CDC42SE2: variants seen among roughly 807,000 people sequenced by gnomAD.
CDC42SE2 encodes CDC42 small effector protein 2.
In CDC42SE2, 3 loss-of-function variants were observed where a neutral mutation model predicts 11.5. The ratio of observed to expected loss-of-function variants is 0.26; its 90% CI spans 0.12 to 0.67. The LOEUF (loss-of-function observed/expected upper bound fraction) is 0.67, where lower values mean the gene tolerates loss of function less well. Among genes scored for constraint, CDC42SE2 ranks in the 30% least tolerant of loss-of-function variants. The pLI, the probability that CDC42SE2 is intolerant of heterozygous loss-of-function variation, is 0.80. For synonymous variants in CDC42SE2, 33 were observed against 34.8 expected (o/e 0.95, Z 0.18); for missense variants, 82 against 106.8 (o/e 0.77, Z 1.02).
the CDC42SE2 span, among the ~76,000 whole-genome samples, chr5:131,210,803 A>G: frequency 1.3e-5 from 2 of 152,142 alleles, no homozygotes; most frequent in Non-Finnish European, 2.9e-5. Flanking sequence ...GAAATTTCTC[A>G]TCCATTTTCA....
intron 1 of CDC42SE2, among the ~76,000 whole-genome samples, chr5:131,313,557 T>C (rs192773800): frequency 5.6e-4 from 85 of 152,302 alleles, no homozygotes; most frequent in Non-Finnish European, 1.0e-3. Context: ...TGTTCCAGCT[T>C]CATTTGTTGA....
At chr5:131,384,038 A>G (rs1470276610) in intron 3 of CDC42SE2, among the ~76,000 whole-genome samples, 2 of 152,246 alleles carry the variant, frequency 1.3e-5, no homozygotes, top group Non-Finnish European at 2.9e-5. Context: ...AGGAACTAAC[A>G]GAATAAAACT....
chr5:131,334,274 T>C (rs996472504), intron 2 of CDC42SE2, among the ~76,000 whole-genome samples: 8 of 152,242 alleles, frequency 5.3e-5, no homozygotes, highest in Non-Finnish European at 1.2e-4. Context: ...GTTTATTGAT[T>C]TGCATATGTT....
chr5:131,252,913 G>A (rs969471961), intron 1 of CDC42SE2: 1 of 152,154 alleles, frequency 6.6e-6, no homozygotes, highest in Non-Finnish European at 1.5e-5. Context: ...ACCCACACAG[G>A]TTAAGTCAAA....
intron 2 of CDC42SE2, among the ~76,000 whole-genome samples, chr5:131,323,783 T>G (rs188240848): frequency 1.3e-5 from 2 of 152,254 alleles, no homozygotes; most frequent in Admixed American, 6.5e-5. Context: ...TTGATCTGTT[T>G]GTTTACTTTT....
the CDC42SE2 span, among the ~76,000 whole-genome samples, chr5:131,223,385 G>T: frequency 6.6e-6 from 1 of 152,050 alleles, no homozygotes; most frequent in Non-Finnish European, 1.5e-5. Context: ...TGTCTGGGGG[G>T]GCACAGCTGC....
In CDC42SE2 at chr5:131,392,597, A is replaced by C. The variant is rs943632524; in HGVS notation, c.*1506A>C. On this transcript the variant is annotated 3_prime_UTR_variant, in exon 5 of 5. Transcript: ENST00000505065. ...GCATTCATTCTGTTGTAAATGTTCA[A>C]TATATTTATTTTGAGAGCAAGGACC... 2 of 152,286 alleles carry C rather than the reference A, an allele frequency of 1.3e-5. No homozygotes were observed. The highest frequency in any genetic ancestry group is 4.8e-5 in the African/African-American group (2 of 41,432). 9.4% of individuals were successfully genotyped at this position (152,286 alleles called of 1,614,324 possible). A position where few individuals can be genotyped will look rare whatever the true frequency, so the allele number is the denominator to read the frequency against.
At position 131,392,778 on chromosome 5, in the gene CDC42SE2, A is replaced by G. The variant is rs1376044140; in HGVS notation, c.*1687A>G. ...TTTATTTTTACTTCTTTTTAATGTT[A>G]TGGTATCCAGTTGTTTCCAGTAGCA... is the stretch of plus-strand genomic sequence containing the variant. On this transcript the variant is annotated 3_prime_UTR_variant, in exon 5 of 5. Coordinates refer to ENST00000505065, the MANE Select transcript of CDC42SE2 (RefSeq NM_001375635.1). The G allele has an allele frequency of 1.3e-5, 2 of 152,276 alleles. No individual in the cohort carries two copies. Among genetic ancestry groups the G allele is most frequent in the African/African-American group, 4.8e-5 (2 of 41,392 alleles). 9.4% of individuals were successfully genotyped at this position (152,276 alleles called of 1,614,324 possible).
At chr5:131,232,759 A>AC in the CDC42SE2 span, among the ~76,000 whole-genome samples, 6 of 150,316 alleles carry the variant, frequency 4.0e-5, no homozygotes, top group Admixed American at 2.0e-4. Flanking sequence ...AAAAAAACAA[A>AC]ACAGAAATAT....
chr5:131,213,687 G>A, the CDC42SE2 span, among the ~76,000 whole-genome samples: 1 of 152,144 alleles, frequency 6.6e-6, no homozygotes, highest in Admixed American at 6.5e-5. Flanking sequence ...CTGACCTCAA[G>A]TGATTCTCCC....
intron 2 of CDC42SE2, among the ~76,000 whole-genome samples, chr5:131,335,433 T>C (rs967925958): frequency 6.6e-6 from 1 of 152,170 alleles, no homozygotes; most frequent in African/African-American, 2.4e-5. Context: ...CTGAGAAGAA[T>C]GTATATTCTG....
chr5:131,274,143 C>T (rs1047839000), intron 1 of CDC42SE2, among the ~76,000 whole-genome samples: 7 of 152,136 alleles, frequency 4.6e-5, no homozygotes, highest in African/African-American at 1.7e-4. Flanking sequence ...CTTCTGTATC[C>T]ATTTGCGTAC....
chr5:131,309,306 A>ATGGTGGATAAGCTT (rs1265434317), intron 1 of CDC42SE2, among the ~76,000 whole-genome samples: 1 of 151,122 alleles, frequency 6.6e-6, no homozygotes, highest in Non-Finnish European at 1.5e-5. Context: ...CCACTTGATC[A>ATGGTGGATAAGCTT]TGGTGGATAA....
chr5:131,313,175 G>C (rs1378839444), intron 1 of CDC42SE2, among the ~76,000 whole-genome samples: 3 of 151,910 alleles, frequency 2.0e-5, no homozygotes, highest in Non-Finnish European at 2.9e-5. Context: ...GTGGAGGCGG[G>C]GTTTTGCCAT....
At chr5:131,363,962 T>C (rs1749784236) in intron 3 of CDC42SE2, among the ~76,000 whole-genome samples, 1 of 152,076 alleles carries the variant, frequency 6.6e-6, no homozygotes, top group South Asian at 2.1e-4. Context: ...TCCAAAGTGC[T>C]GGGAATTGCA....
At chr5:131,273,993 G>A (rs1174949347) in intron 1 of CDC42SE2, among the ~76,000 whole-genome samples, 1 of 151,870 alleles carries the variant, frequency 6.6e-6, no homozygotes, top group Non-Finnish European at 1.5e-5. Flanking sequence ...GCCCAGGCTG[G>A]TCTTGGGCTC....
intron 1 of CDC42SE2, among the ~76,000 whole-genome samples, chr5:131,270,942 TA>T (rs988284715): frequency 2.6e-5 from 4 of 151,738 alleles, no homozygotes; most frequent in South Asian, 2.1e-4. Flanking sequence ...AGAAAAGATA[TA>T]GGGGGGAAGG....
At chr5:131,222,279 T>C in the CDC42SE2 span, among the ~76,000 whole-genome samples, 1 of 152,246 alleles carries the variant, frequency 6.6e-6, no homozygotes, top group Admixed American at 6.5e-5. Flanking sequence ...TTCTTGGCCA[T>C]CCAAAAGTCT....
chr5:131,273,695 C>T (rs1256749627), intron 1 of CDC42SE2, among the ~76,000 whole-genome samples: 6 of 151,350 alleles, frequency 4.0e-5, no homozygotes, highest in African/African-American at 2.4e-5. Context: ...ATGGTGTGAA[C>T]CCAGGAGGCG....
Sources: allele counts gnomAD v4.1 joint callset (sites outside exome capture counted in the v4.1 genomes callset), GRCh38; gene constraint gnomAD v4.1.1; transcripts MANE v1.5; gene names NCBI Gene and HGNC (gene_info 2026-07-23, HGNC 2026-07-21).